Variants in RIC1 observed in about 807,000 individuals in gnomAD.
The protein encoded by RIC1 is RIC1 partner of RAB6A GEF complex, also known as guanine nucleotide exchange factor subunit RIC1.
RIC1 carries 88 observed loss-of-function variants against 169.0 expected under a neutral mutation model. That is an observed-to-expected ratio of 0.52 (90% CI 0.44 to 0.62). The LOEUF (loss-of-function observed/expected upper bound fraction) is 0.62. Ranked by LOEUF, RIC1 falls within the 20% of genes least tolerant of loss-of-function variation. RIC1 has a pLI of 0.00. For missense variants in RIC1, 1,877 were observed against 1,725.5 expected, an observed-to-expected ratio of 1.09 and a Z score of -1.56; for synonymous variants, 790 against 601.5, an observed-to-expected ratio of 1.31 and a Z score of -4.59.
intron 2 of RIC1, among the ~76,000 whole-genome samples, chr9:5,675,542 A>C (rs1820389200): frequency 6.6e-6 from 1 of 152,192 alleles, no homozygotes; most frequent in African/African-American, 2.4e-5. Flanking sequence ...TTATTTCTTC[A>C]ACTTACGACA....
At chr9:5,729,182 C>T (rs566491165) in intron 6 of RIC1, among the ~76,000 whole-genome samples, 1 of 152,282 alleles carries the variant, frequency 6.6e-6, no homozygotes, top group South Asian at 2.1e-4. Context: ...TATTTTCTAT[C>T]CCTGTTTTCA....
intron 12 of RIC1, among the ~76,000 whole-genome samples, chr9:5,750,934 C>G (rs904134378): frequency 3.3e-5 from 5 of 151,820 alleles, no homozygotes; most frequent in Admixed American, 1.3e-4. Context: ...AAGCTTCATT[C>G]TAAACTTAAC....
At chr9:5,757,602 G>C (rs1001588993) in intron 17 of RIC1, 151 bp downstream of exon 17, 1 of 751,994 alleles carries the variant, frequency 1.3e-6, no homozygotes, top group African/African-American at 1.8e-5. Context: ...AAATTAAAAA[G>C]ACATGGTTTC....
intron 2 of RIC1, among the ~76,000 whole-genome samples, chr9:5,674,527 A>C (rs978382726): frequency 2.0e-5 from 3 of 152,198 alleles, no homozygotes; most frequent in African/African-American, 7.2e-5. Context: ...CCACTCCAAA[A>C]GGGAAAAAAT....
chr9:5,634,812 CCT>C (rs972161940), intron 1 of RIC1, among the ~76,000 whole-genome samples: 40 of 151,938 alleles, frequency 2.6e-4, no homozygotes, highest in African/African-American at 7.5e-4. Context: ...GTGTTTTTCC[CCT>C]GTTTTCTTCT....
chr9:5,673,535 G>GGTAT (rs145742929), intron 2 of RIC1, among the ~76,000 whole-genome samples: 1 of 119,304 alleles, frequency 8.4e-6, no homozygotes, highest in Non-Finnish European at 1.7e-5. Context: ...AACATAAGGA[G>GGTAT]ATATATATAT....
At chr9:5,679,685 G>C (rs908851394) in intron 2 of RIC1, among the ~76,000 whole-genome samples, 1 of 152,196 alleles carries the variant, frequency 6.6e-6, no homozygotes, top group South Asian at 2.1e-4. Flanking sequence ...TTTGCACATT[G>C]ATTTTGTATC....
At chr9:5,768,701 C>A (rs1412243162) in intron 21 of RIC1, among the ~76,000 whole-genome samples, 1 of 152,132 alleles carries the variant, frequency 6.6e-6, no homozygotes, top group Non-Finnish European at 1.5e-5. Flanking sequence ...TGTCAGCCAC[C>A]CATCACCTGC....
chr9:5,721,744 C>G (rs181564888), intron 6 of RIC1, among the ~76,000 whole-genome samples: 279 of 152,246 alleles, frequency 1.8e-3, no homozygotes, highest in African/African-American at 6.4e-3. Context: ...TTTCCTCCTG[C>G]TAGGAATTAA....
chr9:5,669,703 G>A (rs1407270273), intron 2 of RIC1, among the ~76,000 whole-genome samples: 2 of 152,170 alleles, frequency 1.3e-5, no homozygotes, highest in East Asian at 3.9e-4. Context: ...ACTGCAGTGG[G>A]TTCTTGCAGT....
chr9:5,774,420 AAT>A lies in RIC1; in HGVS notation c.*175_*176del, dbSNP rs1827464633. 4 of 522,044 alleles carry A rather than the reference AAT, an allele frequency of 7.7e-6. No homozygotes were observed. The highest frequency in any genetic ancestry group is 3.5e-5 in the Admixed American group (1 of 28,508). The allele number at this position is 522,044 out of a possible 1,614,324, so 32.3% of individuals were successfully genotyped here. On this transcript the variant is annotated 3_prime_UTR_variant, in exon 26 of 26. Transcript: ENST00000414202. The stretch of plus-strand genomic sequence containing the variant: ...TAAGAAATCTTTTTGACTCCATAAA[AAT>A]GTGATATAAAGCATCTTTCATAAAA...
chr9:5,763,765 G>C lies in RIC1; in HGVS notation c.2738G>C (p.Trp913Ser). The C allele has an allele frequency of 1.2e-6, 2 of 1,614,144 alleles. No individual in the cohort carries two copies. Among genetic ancestry groups the C allele is most frequent in the Non-Finnish European group, 1.7e-6 (2 of 1,180,028 alleles). The change falls in exon 19 of 26, where the codon TGG becomes TCG. Residue 913 changes from tryptophan to serine, a missense_variant. Around this residue, in one of 3 missense-constraint regions of RIC1, gnomAD observed 92 missense variants for 151.5 expected, o/e 0.61. Coordinates refer to ENST00000414202, the MANE Select transcript of RIC1 (RefSeq NM_020829.4). This position sits in a 1 kb window ranked among gnomAD's most constrained non-coding sequence, Gnocchi z 5.2. ...HCARKTEYALWNYLFAAVGNP... is the reference protein window; with the variant it reads ...HCARKTEYALSNYLFAAVGNP... ...GCCAGGAAGACCGAATATGCCCTGTGGAATTACCTTTTTGCAGCTGTTGGA... is the reference window on the plus strand; with the variant it reads ...GCCAGGAAGACCGAATATGCCCTGTCGAATTACCTTTTTGCAGCTGTTGGA...
chr9:5,709,939 C>T (rs1014170495), intron 3 of RIC1, among the ~76,000 whole-genome samples: 2 of 152,042 alleles, frequency 1.3e-5, no homozygotes, highest in African/African-American at 4.8e-5. Context: ...TAAAGAAAAA[C>T]ACGGTTTCCA....
intron 3 of RIC1, among the ~76,000 whole-genome samples, chr9:5,691,002 A>G (rs1428754183): frequency 1.3e-5 from 2 of 151,952 alleles, no homozygotes; most frequent in Non-Finnish European, 2.9e-5. Flanking sequence ...TTTATTTTTT[A>G]ATAATTAAAG....
intron 2 of RIC1, among the ~76,000 whole-genome samples, chr9:5,680,864 T>A (rs926096929): frequency 1.5e-5 from 2 of 132,282 alleles, no homozygotes; most frequent in African/African-American, 5.5e-5. Context: ...TCTCGCTCTG[T>A]CGCCCAGGCT....
chr9:5,694,590 C>T (rs1037630726), intron 3 of RIC1, among the ~76,000 whole-genome samples: 17 of 152,254 alleles, frequency 1.1e-4, no homozygotes, highest in African/African-American at 4.1e-4. Flanking sequence ...TGCATGAGCA[C>T]TTATTAATAG....
In RIC1 at chr9:5,638,056, G is replaced by C. The variant is rs369920235; in HGVS notation, c.144+8603G>C. On this transcript the variant is annotated intron_variant, in intron 1 of 25. Transcript: ENST00000414202. The stretch of plus-strand genomic sequence containing the variant: ...CAGTTTTTTTAGGGTTTTTATGAAG[G>C]GATGTTGAATTTTTATGAAATGCTT... Among the ~76,000 whole-genome samples, 20 of 152,222 alleles carry C rather than the reference G, an allele frequency of 1.3e-4. No individual in the cohort carries two copies. In the East Asian group the frequency reaches 3.7e-3, roughly 28 times the overall value.
At chr9:5,767,817 C>A (rs887434990) in intron 21 of RIC1, among the ~76,000 whole-genome samples, 1 of 152,072 alleles carries the variant, frequency 6.6e-6, no homozygotes, top group African/African-American at 2.4e-5. Flanking sequence ...AAACTCCCGA[C>A]CTCAGGTGAT....
chr9:5,769,451 CTA>C (rs780895809), intron 22 of RIC1, 195 bp downstream of exon 22: 3 of 1,485,002 alleles, frequency 2.0e-6, no homozygotes, highest in African/African-American at 2.8e-5. Context: ...ACCTATGTCT[CTA>C]AGTCTTGTGA....
Sources: allele counts gnomAD v4.1 joint callset (sites outside exome capture counted in the v4.1 genomes callset), GRCh38; gene constraint gnomAD v4.1.1; regional missense constraint gnomAD v4.1.1; non-coding constraint Gnocchi (gnomAD v3.1); transcripts MANE v1.5; gene names NCBI Gene and HGNC (gene_info 2026-07-23, HGNC 2026-07-21).